Variants in ANXA6 observed in about 807,000 individuals in gnomAD.
ANXA6 encodes annexin A6, also known as 67 kDa calelectrin.
In ANXA6, 71 loss-of-function variants were observed where a neutral mutation model predicts 95.4. That is an observed-to-expected ratio of 0.74 (90% confidence interval 0.61 to 0.91). ANXA6 has a LOEUF of 0.91. Ranked by LOEUF, ANXA6 falls within the 40% of genes least tolerant of loss-of-function variation. The pLI, the probability that ANXA6 is intolerant of heterozygous loss-of-function variation, is 0.00. For synonymous variants in ANXA6, 289 were observed against 315.9 expected, an observed-to-expected ratio of 0.91 and a Z score of 0.90; for missense variants, 830 against 876.4, an observed-to-expected ratio of 0.95 and a Z score of 0.67.
At chr5:151,134,293 A>AT in intron 8 of ANXA6, 134 bp downstream of exon 8, 1 of 823,064 alleles carries the variant, frequency 1.2e-6, no homozygotes, top group Admixed American at 1.9e-5. Flanking sequence ...ACCGGTATAC[A>AT]TGACAGCTGT....
At chr5:151,142,791 G>C (rs981291928) in intron 2 of ANXA6, among the ~76,000 whole-genome samples, 2 of 152,206 alleles carry the variant, frequency 1.3e-5, no homozygotes, top group African/African-American at 4.8e-5. Context: ...CCCTGGCACT[G>C]GATCCCTAGC....
intron 24 of ANXA6, among the ~76,000 whole-genome samples, chr5:151,104,494 C>T (rs1764641200): frequency 6.6e-6 from 1 of 152,228 alleles, no homozygotes; most frequent in Admixed American, 6.5e-5. Context: ...GTTTCCTCCT[C>T]TATCAAATGA....
intron 20 of ANXA6, among the ~76,000 whole-genome samples, chr5:151,116,773 C>G: frequency 6.6e-6 from 1 of 152,188 alleles, no homozygotes; most frequent in East Asian, 1.9e-4. Context: ...AGTTCCCAGA[C>G]CAGCTCTCTA....
chr5:151,139,166 G>A (rs2303036), intron 4 of ANXA6, 187 bp downstream of exon 4: 22,320 of 596,926 alleles, frequency 0.037, 1,888 homozygotes, highest in African/African-American at 0.21. Context: ...CCAGCATACA[G>A]CAGGTGCTGT....
In ANXA6 at chr5:151,140,133, C is replaced by T. The variant is rs1205663708; in HGVS notation, c.109+20G>A. On this transcript the variant is annotated intron_variant, in intron 3 of 25. Coordinates refer to ENST00000354546, the MANE Select transcript of ANXA6 (RefSeq NM_001155.5). Reference sequence around the variant, plus strand: ...CTTTTGGGGGATACCCCTCAAGCTCCCATGAAGCCTGGCACCCACCAAAGC... The same window carrying T: ...CTTTTGGGGGATACCCCTCAAGCTCTCATGAAGCCTGGCACCCACCAAAGC... 3 of 1,612,478 alleles carry T rather than the reference C, an allele frequency of 1.9e-6. No homozygotes were observed. The highest frequency in any genetic ancestry group is 2.5e-6 in the Non-Finnish European group (3 of 1,178,882).
chr5:151,138,622 AATCTTCCCATTAACC>A, intron 5 of ANXA6, 41 bp downstream of exon 5: 2 of 1,316,818 alleles, frequency 1.5e-6, no homozygotes, highest in Middle Eastern at 3.7e-4. Context: ...AAGAGCCCAG[AATCTTCCCATTAACC>A]ACATCCCCAC....
chr5:151,140,239 G>A lies in ANXA6; in HGVS notation c.23C>T (p.Ala8Val), dbSNP rs1765791499. 1.9e-6 allele frequency: 3 copies of A among 1,613,696 alleles called. No individual in the cohort carries two copies. Among genetic ancestry groups the A allele is most frequent in the South Asian group, 1.1e-5 (1 of 91,074 alleles). The change falls in exon 3 of 26, where the codon GCC becomes GTC. Residue 8 changes from alanine to valine, a missense_variant. Transcript: ENST00000354546. ...GTCATGGATGGAGCCCCGGTACTTG[G>A]CACCCTGTGGAGAAAAAAGTAGAGG... MAKPAQG[A>V]KYRGSIHDFP...
chr5:151,141,315 G>A (rs989958780), intron 2 of ANXA6, among the ~76,000 whole-genome samples: 1 of 152,230 alleles, frequency 6.6e-6, no homozygotes, highest in African/African-American at 2.4e-5. Context: ...ACTAATGGCT[G>A]AGGAATTGGG....
intron 17 of ANXA6, among the ~76,000 whole-genome samples, chr5:151,121,362 C>T (rs1447631706): frequency 6.6e-6 from 1 of 152,212 alleles, no homozygotes; most frequent in Non-Finnish European, 1.5e-5. Context: ...AACTAATGTA[C>T]CTAACCTGGG....
chr5:151,133,249 C>T, intron 8 of ANXA6, 62 bp from the exon 9 acceptor site: 3 of 1,207,900 alleles, frequency 2.5e-6, no homozygotes, highest in Non-Finnish European at 3.6e-6. Flanking sequence ...GACACACTGA[C>T]CAAGCCACTC....
intron 15 of ANXA6, 74 bp downstream of exon 15, chr5:151,124,212 C>T: frequency 7.5e-7 from 1 of 1,334,196 alleles, no homozygotes; most frequent in Non-Finnish European, 1.1e-6. Flanking sequence ...ACTCCATCCC[C>T]TGCCAGCCCA....
intron 20 of ANXA6, among the ~76,000 whole-genome samples, chr5:151,113,946 A>T (rs1764922659): frequency 6.6e-6 from 1 of 152,266 alleles, no homozygotes; most frequent in Non-Finnish European, 1.5e-5. Flanking sequence ...CCAACATGCT[A>T]CAACACGGAT....
At chr5:151,150,493 T>C (rs1293281959) in intron 1 of ANXA6, among the ~76,000 whole-genome samples, 1 of 152,218 alleles carries the variant, frequency 6.6e-6, no homozygotes, top group Non-Finnish European at 1.5e-5. Flanking sequence ...GCCTCTGTCG[T>C]GTTTGCCTCT....
At chr5:151,118,366 A>G (rs1393817489) in intron 18 of ANXA6, among the ~76,000 whole-genome samples, 1 of 151,280 alleles carries the variant, frequency 6.6e-6, no homozygotes, top group Non-Finnish European at 1.5e-5. Context: ...GGCTCAGGTG[A>G]TCCTCCCACC....
At chr5:151,106,547 C>T (rs1764699531) in intron 23 of ANXA6, among the ~76,000 whole-genome samples, 1 of 152,206 alleles carries the variant, frequency 6.6e-6, no homozygotes, top group African/African-American at 2.4e-5. Flanking sequence ...TTTGCAACCT[C>T]ATGGCCCTTG....
Position 151,125,930 on chromosome 5 carries a change from T to C in ANXA6, c.1056+472A>G, listed in dbSNP as rs548143168. Among the ~76,000 whole-genome samples the C allele has an allele frequency of 2.6e-5, 4 of 152,324 alleles. No homozygotes were observed. The South Asian group carries it at 8.3e-4, about 32-fold the overall frequency. On this transcript the variant is annotated intron_variant, in intron 14 of 25. Transcript: ENST00000354546. Reference sequence around the variant, plus strand: ...AGAGCTCCAAGGTCCCATGCTTTTTTGTGTGGACCAAGTGTTGCAGTCTCT... The same window carrying C: ...AGAGCTCCAAGGTCCCATGCTTTTTCGTGTGGACCAAGTGTTGCAGTCTCT...
At chr5:151,129,012 C>T (rs987129608) in intron 12 of ANXA6, among the ~76,000 whole-genome samples, 1 of 152,026 alleles carries the variant, frequency 6.6e-6, no homozygotes, top group Non-Finnish European at 1.5e-5. Flanking sequence ...CCTCAGGGGC[C>T]GGATGTCCCA....
chr5:151,122,675 C>T (rs1001248504), intron 16 of ANXA6, among the ~76,000 whole-genome samples: 7 of 152,230 alleles, frequency 4.6e-5, no homozygotes, highest in Admixed American at 1.3e-4. Context: ...TGGCCCCATG[C>T]TGTGCCTCTG....
At position 151,117,895 on chromosome 5, in the gene ANXA6, G is replaced by A. The variant is rs1378373111; in HGVS notation, c.1439-58C>T. On this transcript the variant is annotated intron_variant, in intron 18 of 25. Transcript: ENST00000354546. ...TGGCCAAGAAGGATTTGGTTGCGGG[G>A]AGGGAGGTCCAGGAAACTCAGGCTT... 16 of 1,462,492 alleles carry A rather than the reference G, an allele frequency of 1.1e-5. No individual in the cohort carries two copies. The Admixed American group carries it at 2.4e-4, about 22-fold the overall frequency. 90.6% of individuals were successfully genotyped at this position (1,462,492 alleles called of 1,614,324 possible).
Sources: allele counts gnomAD v4.1 joint callset (sites outside exome capture counted in the v4.1 genomes callset), GRCh38; gene constraint gnomAD v4.1.1; transcripts MANE v1.5; gene names NCBI Gene and HGNC (gene_info 2026-07-23, HGNC 2026-07-21).